Variants in ALDH3A1 observed in about 807,000 individuals in gnomAD.
ALDH3A1 encodes aldehyde dehydrogenase 3 family member A1, also known as aldehyde dehydrogenase, dimeric NADP-preferring.
In ALDH3A1, 46 loss-of-function variants were observed where a neutral mutation model predicts 49.9. The ratio of observed to expected loss-of-function variants is 0.92; its 90% CI spans 0.73 to 1.18. The LOEUF (loss-of-function observed/expected upper bound fraction) is 1.18. Among genes scored for constraint, ALDH3A1 ranks in the 50% most tolerant of loss-of-function variants. The pLI, the probability that ALDH3A1 is intolerant of heterozygous loss-of-function variation, is 0.00. For missense variants in ALDH3A1, 592 were observed against 611.8 expected (o/e 0.97, Z 0.34); for synonymous variants, 269 against 253.3 (o/e 1.06, Z -0.59).
chr17:19,744,773 G>A, intron 2 of ALDH3A1, 195 bp downstream of exon 2: 2 of 1,372,612 alleles, frequency 1.5e-6, no homozygotes, highest in East Asian at 3.1e-5. Flanking sequence ...GAAAAGGCCA[G>A]AGGGCGGAAG....
In ALDH3A1 at chr17:19,743,490, T is replaced by TCCAGGG. The variant is rs761658728; in HGVS notation, c.163-33_163-28dup. On this transcript the variant is annotated intron_variant, in intron 2 of 10. Transcript: ENST00000225740. The surrounding 1 kb of genome is among the most constrained non-coding windows in gnomAD (Gnocchi z 4.4). The stretch of plus-strand genomic sequence containing the variant: ...TGCAGCGACAGAGCCGGAGTGAGCT[T>TCCAGGG]CCAGGGCCAGGGCCCGCCTGCAGCT... The TCCAGGG allele has an allele frequency of 6.4e-7, 1 of 1,564,244 alleles. No individual in the cohort carries two copies. The highest frequency in any genetic ancestry group is 1.4e-5 in the African/African-American group (1 of 73,722).
At position 19,740,405 on chromosome 17, in the gene ALDH3A1, C is replaced by G; in HGVS notation, c.880G>C (p.Val294Leu). 6.2e-7 allele frequency: 1 copy of G among 1,614,136 alleles called. No homozygotes were observed. The highest frequency in any genetic ancestry group is 8.5e-7 in the Non-Finnish European group (1 of 1,180,034). ...RIISARHFQR[V>L]MGLIEGQKVA... is the part of the protein sequence containing the mutation. Reference sequence around the variant, plus strand: ...TTCTGGCCCTCAATCAGGCCCATCACCCTCTGGAAGTGCCGGGCACTAATG... The same window carrying G: ...TTCTGGCCCTCAATCAGGCCCATCAGCCTCTGGAAGTGCCGGGCACTAATG... The change falls in exon 7 of 11, where the codon GTG (valine) becomes CTG (leucine). Residue 294 changes from valine (V) to leucine (L), a missense_variant. By Grantham distance (32) the Val-to-Leu change is conservative. Transcript: ENST00000225740.
Position 19,742,034 on chromosome 17 carries a change from T to A in ALDH3A1, c.659A>T (p.Asp220Val). 1.9e-6 allele frequency: 3 copies of A among 1,613,942 alleles called. No individual in the cohort carries two copies. Among genetic ancestry groups the A allele is most frequent in the Middle Eastern group, 3.3e-4 (2 of 6,062 alleles). ...ELGGKSPCYV[D>V]KNCDLDVACR... ...GGCCACGTCCAGGTCACAGTTCTTG[T>A]CCACGTAGCAGGGACTCTTCCCTCC... is the stretch of plus-strand genomic sequence containing the variant. The change falls in exon 5 of 11, where the codon GAC (aspartate) becomes GTC (valine). Residue 220 changes from aspartate to valine, a missense_variant. Physicochemically the swap from Asp to Val is radical, Grantham distance 152. Transcript: ENST00000225740.
Position 19,743,887 on chromosome 17 carries a change from T to C in ALDH3A1, c.163-424A>G. On this transcript the variant is annotated intron_variant, in intron 2 of 10. Coordinates refer to ENST00000225740, the MANE Select transcript of ALDH3A1 (RefSeq NM_000691.5). This position sits in a 1 kb window ranked among gnomAD's most constrained non-coding sequence, Gnocchi z 4.4. ...GGGCAGGGTGGAGGGAGCCAGGCCCTTTAGTTGTCTGGAGGGGGATGCAGG... is the reference window on the plus strand; with the variant it reads ...GGGCAGGGTGGAGGGAGCCAGGCCCCTTAGTTGTCTGGAGGGGGATGCAGG... 1.0e-6 allele frequency: 1 copy of C among 984,688 alleles called. No individual in the cohort carries two copies. Among genetic ancestry groups the C allele is most frequent in the Non-Finnish European group, 1.2e-6 (1 of 829,732 alleles). 61.0% of individuals were successfully genotyped at this position (984,688 alleles called of 1,614,324 possible).
chr17:19,740,408 T>G lies in ALDH3A1; in HGVS notation c.877A>C (p.Arg293=), dbSNP rs754146486. ...GRIISARHFQ[R]VMGLIEGQKV... is the part of the protein sequence containing the mutation. ...TGGCCCTCAATCAGGCCCATCACCC[T>G]CTGGAAGTGCCGGGCACTAATGATT... Residue 293 remains arginine, a synonymous_variant, in exon 7 of 11, where the codon AGG becomes CGG. Transcript: ENST00000225740. The G allele has an allele frequency of 1.2e-6, 2 of 1,614,078 alleles. No homozygotes were observed. Among genetic ancestry groups the G allele is most frequent in the Non-Finnish European group, 1.7e-6 (2 of 1,180,016 alleles).
intron 5 of ALDH3A1, chr17:19,741,452 C>T (rs963577457): frequency 1.7e-5 from 8 of 469,002 alleles, no homozygotes; most frequent in Non-Finnish European, 2.7e-5. Flanking sequence ...AACCTCCGTG[C>T]TCCCTGATCA....
chr17:19,744,140 G>A (rs2086555250), intron 2 of ALDH3A1: 1 of 984,694 alleles, frequency 1.0e-6, no homozygotes, highest in East Asian at 1.1e-4. Flanking sequence ...GCTCATGCCT[G>A]TAATCCCAGC....
chr17:19,745,176 C>T (rs1373475646), intron 1 of ALDH3A1, 42 bp from the exon 2 acceptor site: 1 of 1,520,980 alleles, frequency 6.6e-7, no homozygotes, highest in Non-Finnish European at 8.8e-7. Flanking sequence ...GGGGCACGAG[C>T]GCGCCCTGCC....
intron 6 of ALDH3A1, 24 bp from the exon 7 acceptor site, chr17:19,740,501 C>T (rs755560571): frequency 1.8e-5 from 29 of 1,612,056 alleles, no homozygotes; most frequent in East Asian, 4.5e-5. Flanking sequence ...GTGGGGGCTT[C>T]GGGTAAGGAC....
chr17:19,739,414 G>T, intron 8 of ALDH3A1, 94 bp downstream of exon 8: 1 of 1,424,148 alleles, frequency 7.0e-7, no homozygotes, highest in Non-Finnish European at 9.5e-7. Flanking sequence ...ACTTGCCCAA[G>T]GTCACACAGC....
chr17:19,745,187 T>A (rs1356041409), intron 1 of ALDH3A1, 53 bp from the exon 2 acceptor site: 1 of 1,499,736 alleles, frequency 6.7e-7, no homozygotes. Flanking sequence ...GCGCCCTGCC[T>A]CCCACCCTGC....
In ALDH3A1 at chr17:19,740,434, C is replaced by A. The variant is rs1223928903; in HGVS notation, c.851G>T (p.Arg284Ile). The A allele has an allele frequency of 6.2e-7, 1 of 1,614,160 alleles. No individual in the cohort carries two copies. The change falls in exon 7 of 11, where the codon AGA (arginine) becomes ATA (isoleucine). Residue 284 changes from arginine (R) to isoleucine (I), a missense_variant. By Grantham distance (97) the Arg-to-Ile change is moderately conservative. Coordinates refer to ENST00000225740, the MANE Select transcript of ALDH3A1 (RefSeq NM_000691.5). ...EDAKKSRDYGRIISARHFQRV... is the reference protein window; with the variant it reads ...EDAKKSRDYGIIISARHFQRV... ...CTGGAAGTGCCGGGCACTAATGATTCTTCCATAGTCCCGGGATTTCTTAGC... is the reference window on the plus strand; with the variant it reads ...CTGGAAGTGCCGGGCACTAATGATTATTCCATAGTCCCGGGATTTCTTAGC...
intron 7 of ALDH3A1, 22 bp from the exon 8 acceptor site, chr17:19,739,696 A>G (rs201282651): frequency 5.5e-5 from 88 of 1,612,484 alleles, no homozygotes; most frequent in African/African-American, 8.0e-5. Flanking sequence ...AACAAGCCAG[A>G]GTTGGACGGC....
At position 19,743,238 on chromosome 17, in the gene ALDH3A1, C is replaced by A; in HGVS notation, c.388G>T (p.Ala130Ser). 1 of 1,613,548 alleles carries A rather than the reference C, an allele frequency of 6.2e-7. No homozygotes were observed. Among genetic ancestry groups the A allele is most frequent in the South Asian group, 1.1e-5 (1 of 90,986 alleles). Residue 130 changes from alanine to serine, a missense_variant, in exon 3 of 11, where the codon GCT becomes TCT. Ala to Ser is a moderately conservative substitution (Grantham distance 99, BLOSUM62 1). Transcript: ENST00000225740. The surrounding 1 kb of genome is among the most constrained non-coding windows in gnomAD (Gnocchi z 4.4). Reference protein sequence around the residue: ...LTIQPMVGAIAAGNSVVLKPS... With the variant: ...LTIQPMVGAISAGNSVVLKPS... ...TTCCCACAGGGCCATGCACCTGCAGCGATGGCGCCCACCATGGGCTGGATG... is the reference window on the plus strand; with the variant it reads ...TTCCCACAGGGCCATGCACCTGCAGAGATGGCGCCCACCATGGGCTGGATG...
At chr17:19,739,159 G>A (rs1019470756) in intron 8 of ALDH3A1, 64 bp from the exon 9 acceptor site, 78 of 1,443,696 alleles carry the variant, frequency 5.4e-5, no homozygotes, top group South Asian at 8.4e-5. Context: ...CCCCCAACCC[G>A]ACCCTGCCTG....
In ALDH3A1 at chr17:19,738,020, G is replaced by A; in HGVS notation, c.*201C>T. 6.7e-7 allele frequency: 1 copy of A among 1,500,106 alleles called. No individual in the cohort carries two copies. The highest frequency in any genetic ancestry group is 8.9e-7 in the Non-Finnish European group (1 of 1,123,524). 92.9% of individuals were successfully genotyped at this position (1,500,106 alleles called of 1,614,324 possible). A position where few individuals can be genotyped will look rare whatever the true frequency, so the allele number is the denominator to read the frequency against. On this transcript the variant is annotated 3_prime_UTR_variant, in exon 11 of 11. Transcript: ENST00000225740. ...AGAAAATTGTATTCGTCTCTTTATT[G>A]GTCTAGAAAGGGGTGGAGACTTGGA...
Position 19,743,367 on chromosome 17 carries a change from C to CGG in ALDH3A1, c.257_258dup (p.Val87ProfsTer57), listed in dbSNP as rs1567654529. 1.2e-6 allele frequency: 2 copies of CGG among 1,614,174 alleles called. No individual in the cohort carries two copies. The highest frequency in any genetic ancestry group is 4.5e-5 in the East Asian group (2 of 44,876). On this transcript the variant is annotated frameshift_variant, in exon 3 of 11. Coordinates refer to ENST00000225740, the MANE Select transcript of ALDH3A1 (RefSeq NM_000691.5). LOFTEE classifies it high-confidence loss of function. This position sits in a 1 kb window ranked among gnomAD's most constrained non-coding sequence, Gnocchi z 4.4. ...TGCTGAGTCTGGGGCGTCTTCTCCA[C>CGG]GGGCTCATCCGCGGCCCACTCAGGG...
At chr17:19,741,964 G>A in intron 5 of ALDH3A1, 40 bp downstream of exon 5, 1 of 1,596,426 alleles carries the variant, frequency 6.3e-7, no homozygotes, top group Middle Eastern at 1.7e-4. Context: ...TTGGAAAGCA[G>A]AGTAAGGACT....
Position 19,743,790 on chromosome 17 carries a change from T to C in ALDH3A1, c.163-327A>G. The C allele has an allele frequency of 2.6e-6, 2 of 780,100 alleles. No homozygotes were observed. Among genetic ancestry groups the C allele is most frequent in the Non-Finnish European group, 2.9e-6 (2 of 699,682 alleles). 48.3% of individuals were successfully genotyped at this position (780,100 alleles called of 1,614,324 possible). ...GGCAGGGGAGAGTAGATTCAGGCAG[T>C]GGGAATGGATCCGGGGAGGGGGGGA... On this transcript the variant is annotated intron_variant, in intron 2 of 10. Coordinates refer to ENST00000225740, the MANE Select transcript of ALDH3A1 (RefSeq NM_000691.5). The surrounding 1 kb of genome is among the most constrained non-coding windows in gnomAD (Gnocchi z 4.4).
Sources: gnomAD v4.1 joint callset for allele counts on GRCh38, gnomAD v4.1.1 for gene constraint, Gnocchi (gnomAD v3.1) non-coding constraint, MANE v1.5 for transcripts, NCBI Gene and HGNC (gene_info 2026-07-23, HGNC 2026-07-21) for gene names.